The following ILRUN variants were observed in gnomAD, a reference collection of about 807,000 sequenced individuals.
ILRUN encodes protein ILRUN.
In ILRUN, 3 loss-of-function variants were observed where a neutral mutation model predicts 33.8. That is an observed-to-expected ratio of 0.09 (90% confidence interval 0.04 to 0.23). The LOEUF is 0.23. Ranked by LOEUF, ILRUN falls within the 10% of genes least tolerant of loss-of-function variation. The probability of loss-of-function intolerance (pLI) is 1.00; values close to 1 mark genes in which losing one functional copy is unlikely to be tolerated. For synonymous variants in ILRUN, 124 were observed against 138.9 expected (o/e 0.89, Z 0.75); for missense variants, 210 against 375.1 (o/e 0.56, Z 3.64).
intron 1 of ILRUN, among the ~76,000 whole-genome samples, chr6:34,694,625 T>C (rs1236289570): frequency 6.6e-6 from 1 of 152,176 alleles, no homozygotes; most frequent in Non-Finnish European, 1.5e-5. Context: ...AGATTACAAA[T>C]GATTAATTCT....
chr6:34,641,517 A>G (rs1323529438), intron 3 of ILRUN, among the ~76,000 whole-genome samples: 1 of 152,234 alleles, frequency 6.6e-6, no homozygotes, highest in African/African-American at 2.4e-5. Context: ...CAGACACACA[A>G]GGGCTGGAAA....
chr6:34,626,159 T>G (rs556234188), intron 3 of ILRUN, among the ~76,000 whole-genome samples: 234 of 152,210 alleles, frequency 1.5e-3, no homozygotes, highest in Middle Eastern at 0.014. Context: ...CAGGAGGCAT[T>G]TTTTAACAGA....
chr6:34,650,393 TTTTATTTATTTATTTTTA>T (rs1317711600), intron 2 of ILRUN, among the ~76,000 whole-genome samples: 2 of 148,340 alleles, frequency 1.3e-5, no homozygotes, highest in Non-Finnish European at 1.5e-5. Flanking sequence ...AGGAGCTTAA[TTTTATTTATTTATTTTTA>T]TTTATTTATT....
chr6:34,641,028 G>C (rs1346067755), intron 3 of ILRUN, among the ~76,000 whole-genome samples: 1 of 142,048 alleles, frequency 7.0e-6, no homozygotes, highest in Non-Finnish European at 1.5e-5. Context: ...GCAGTGAGCT[G>C]AGATGACGCC....
chr6:34,619,985 C>T (rs1006496481), intron 3 of ILRUN, among the ~76,000 whole-genome samples: 2 of 75,922 alleles, frequency 2.6e-5, no homozygotes, highest in Non-Finnish European at 5.5e-5. Flanking sequence ...ACTCTGTCTC[C>T]AAAAAAAAAA....
chr6:34,670,626 A>G (rs1763096708), intron 1 of ILRUN, among the ~76,000 whole-genome samples: 1 of 151,714 alleles, frequency 6.6e-6, no homozygotes, highest in Admixed American at 6.6e-5. Context: ...TGAGGCGGGC[A>G]GCTCACTTGA....
chr6:34,696,344 G>T, intron 1 of ILRUN, 102 bp downstream of exon 1: 1 of 1,304,810 alleles, frequency 7.7e-7, no homozygotes, highest in Non-Finnish European at 1.0e-6. Flanking sequence ...GTGGCCCTCA[G>T]TACCCGCCTG....
chr6:34,627,557 T>C (rs1260843720), intron 3 of ILRUN, among the ~76,000 whole-genome samples: 1 of 152,212 alleles, frequency 6.6e-6, no homozygotes, highest in African/African-American at 2.4e-5. Flanking sequence ...ATTATGGCCA[T>C]CTTAATAGGT....
intron 1 of ILRUN, among the ~76,000 whole-genome samples, chr6:34,688,982 C>T (rs952567427): frequency 6.7e-6 from 1 of 149,946 alleles, no homozygotes; most frequent in African/African-American, 2.5e-5. Context: ...AGAAAATATC[C>T]AGAATAGGTA....
chr6:34,626,388 C>A (rs1439361184), intron 3 of ILRUN, among the ~76,000 whole-genome samples: 3 of 151,908 alleles, frequency 2.0e-5, no homozygotes, highest in East Asian at 3.9e-4. Flanking sequence ...ATTGCCCAGG[C>A]TGGTCTCAAA....
At chr6:34,598,045 T>C (rs1761438188) in intron 4 of ILRUN, among the ~76,000 whole-genome samples, 2 of 152,228 alleles carry the variant, frequency 1.3e-5, no homozygotes, top group Admixed American at 1.3e-4. Context: ...TATTCTTTCC[T>C]ATGGATTGGT....
intron 1 of ILRUN, among the ~76,000 whole-genome samples, chr6:34,656,351 G>A (rs1053588642): frequency 6.6e-6 from 1 of 151,772 alleles, no homozygotes; most frequent in Non-Finnish European, 1.5e-5. Context: ...AAGGAACTAC[G>A]AAGCACCTAA....
Position 34,625,121 on chromosome 6 carries a change from G to C in ILRUN, c.512-18217C>G, listed in dbSNP as rs892637800. Among the ~76,000 whole-genome samples the C allele has an allele frequency of 2.6e-5, 4 of 152,186 alleles. No individual in the cohort carries two copies. In the East Asian group the frequency reaches 7.7e-4, roughly 29 times the overall value. On this transcript the variant is annotated intron_variant, in intron 3 of 4. Coordinates refer to ENST00000374023, the MANE Select transcript of ILRUN (RefSeq NM_024294.4). ...GTCATCAAATTCACTGACAGAAGTC[G>C]GAGTTGAATATAGCAACAAAGCAGA...
At chr6:34,668,613 A>G (rs1386482233) in intron 1 of ILRUN, among the ~76,000 whole-genome samples, 1 of 152,190 alleles carries the variant, frequency 6.6e-6, no homozygotes, top group Non-Finnish European at 1.5e-5. Context: ...AAAGATCACA[A>G]AAACAGTCAA....
At chr6:34,650,712 A>G (rs938389626) in intron 2 of ILRUN, among the ~76,000 whole-genome samples, 2 of 151,992 alleles carry the variant, frequency 1.3e-5, no homozygotes, top group African/African-American at 4.8e-5. Context: ...CAGCCTCCCA[A>G]AGTAGTGGGA....
intron 4 of ILRUN, among the ~76,000 whole-genome samples, chr6:34,599,787 T>C (rs1290475449): frequency 6.6e-6 from 1 of 152,212 alleles, no homozygotes. Flanking sequence ...TTTATATAAA[T>C]ATCCAACATA....
chr6:34,631,336 T>G (rs1273221629), intron 3 of ILRUN, among the ~76,000 whole-genome samples: 1 of 151,950 alleles, frequency 6.6e-6, no homozygotes, highest in Non-Finnish European at 1.5e-5. Flanking sequence ...CCCCTCTTTT[T>G]TTTTTTTTTA....
At chr6:34,669,879 T>C (rs991494816) in intron 1 of ILRUN, among the ~76,000 whole-genome samples, 4 of 151,462 alleles carry the variant, frequency 2.6e-5, no homozygotes, top group Non-Finnish European at 4.4e-5. Flanking sequence ...ACGTATTATA[T>C]GATTTCCACT....
rs541809017 is a variant in ILRUN at position 34,603,248 on chromosome 6, C to T, written c.861+3307G>A. 1.2e-4 allele frequency among the ~76,000 whole-genome samples: 18 copies of T among 152,316 alleles called. No homozygotes were observed. The East Asian group carries it at 3.5e-3, about 29-fold the overall frequency. Reference sequence around the variant, plus strand: ...GGCAACTGAGCCGGGCACGGTGGCTCACATCTGTAATCCCAGCACTTTGGG... The same window carrying T: ...GGCAACTGAGCCGGGCACGGTGGCTTACATCTGTAATCCCAGCACTTTGGG... On this transcript the variant is annotated intron_variant, in intron 4 of 4. Transcript: ENST00000374023.
Sources: gnomAD v4.1 joint callset for allele counts (sites outside exome capture counted in the v4.1 genomes callset) on GRCh38, gnomAD v4.1.1 for gene constraint, MANE v1.5 for transcripts, NCBI Gene and HGNC (gene_info 2026-07-23, HGNC 2026-07-21) for gene names.